MAP2K1: variants seen among roughly 807,000 people sequenced by gnomAD.
The protein encoded by MAP2K1 is dual specificity mitogen-activated protein kinase kinase 1.
In MAP2K1, 16 loss-of-function variants were observed where a neutral mutation model predicts 46.3. The observed-to-expected ratio is 0.35, with a 90% CI of 0.23 to 0.52. The LOEUF (loss-of-function observed/expected upper bound fraction) is 0.52. Ranked by LOEUF, MAP2K1 falls within the 20% of genes least tolerant of loss-of-function variation. MAP2K1 has a pLI of 0.94. For missense variants in MAP2K1, 263 were observed against 497.1 expected (o/e 0.53, Z 4.48); for synonymous variants, 183 against 185.6 (o/e 0.99, Z 0.11).
chr15:66,401,723 G>A (rs1238280409), intron 1 of MAP2K1: 3 of 152,140 alleles, frequency 2.0e-5, no homozygotes, highest in East Asian at 1.9e-4. Context: ...GGGAGTGTGC[G>A]CATCCAGGAG....
At chr15:66,446,837 G>A (rs1891881637) in intron 5 of MAP2K1, 1 of 228,006 alleles carries the variant, frequency 4.4e-6, no homozygotes, top group South Asian at 5.9e-5. Context: ...AAGATGGCGG[G>A]AAGTGCAAAT....
At chr15:66,432,439 A>T (rs1052955957) in intron 1 of MAP2K1, among the ~76,000 whole-genome samples, 1 of 152,252 alleles carries the variant, frequency 6.6e-6, no homozygotes, top group Non-Finnish European at 1.5e-5. Flanking sequence ...AGAAAAGTGA[A>T]CAGAGTCAGC....
chr15:66,430,027 T>C (rs1173233960), intron 1 of MAP2K1, among the ~76,000 whole-genome samples: 5 of 152,142 alleles, frequency 3.3e-5, no homozygotes, highest in Non-Finnish European at 7.3e-5. Context: ...CCTTCCCATA[T>C]ACTTTTCTTA....
intron 4 of MAP2K1, 45 bp downstream of exon 4, chr15:66,443,402 G>T (rs369343022): frequency 1.1e-4 from 124 of 1,142,414 alleles, no homozygotes; most frequent in Non-Finnish European, 1.5e-4. Flanking sequence ...TCATTGATAA[G>T]TTAATGAGTC....
intron 1 of MAP2K1, among the ~76,000 whole-genome samples, chr15:66,405,001 A>G (rs1167742145): frequency 6.6e-6 from 1 of 152,268 alleles, no homozygotes; most frequent in African/African-American, 2.4e-5. Flanking sequence ...TGGAACTTGT[A>G]TCCCTAGAGG....
intron 1 of MAP2K1, among the ~76,000 whole-genome samples, chr15:66,408,538 G>C (rs971445124): frequency 1.3e-5 from 2 of 152,084 alleles, no homozygotes; most frequent in African/African-American, 4.8e-5. Context: ...ATGTGTGCGT[G>C]TGTGTGGGGG....
chr15:66,405,876 G>A (rs941950014), intron 1 of MAP2K1, among the ~76,000 whole-genome samples: 7 of 152,206 alleles, frequency 4.6e-5, no homozygotes, highest in African/African-American at 1.7e-4. Context: ...TTCCTACCAA[G>A]CGCTTTGTAA....
intron 1 of MAP2K1, among the ~76,000 whole-genome samples, chr15:66,405,176 T>A (rs2093393371): frequency 1.3e-5 from 2 of 152,216 alleles, no homozygotes; most frequent in South Asian, 4.1e-4. Context: ...GTTGCACAAC[T>A]AGTAGGTGGT....
At chr15:66,455,893 CA>C (rs1567016333) in intron 5 of MAP2K1, among the ~76,000 whole-genome samples, 2 of 152,090 alleles carry the variant, frequency 1.3e-5, no homozygotes, top group African/African-American at 4.8e-5. Flanking sequence ...CCTGGGTGTT[CA>C]AAGGGAGAAA....
intron 1 of MAP2K1, among the ~76,000 whole-genome samples, chr15:66,418,788 G>A (rs549187075): frequency 6.7e-6 from 1 of 149,978 alleles, no homozygotes; most frequent in Non-Finnish European, 1.5e-5. Context: ...TCAGCCTCCC[G>A]AGCACCCGCC....
chr15:66,446,112 C>T (rs1891860642), intron 5 of MAP2K1, among the ~76,000 whole-genome samples: 1 of 152,004 alleles, frequency 6.6e-6, no homozygotes, highest in Non-Finnish European at 1.5e-5. Context: ...GTAATCCCAG[C>T]TAATCAGGAA....
chr15:66,465,939 T>C lies in MAP2K1; in HGVS notation c.569-15816T>C, dbSNP rs181556587. ...AAGACTTTTTTTAAAGATAAGACTT[T>C]TTTAAAGCTGAGCCCAGCCATGGAT... On this transcript the variant is annotated intron_variant, in intron 5 of 10. Coordinates refer to ENST00000307102, the MANE Select transcript of MAP2K1 (RefSeq NM_002755.4). Among the ~76,000 whole-genome samples the C allele has an allele frequency of 7.9e-5, 12 of 152,324 alleles. No homozygotes were observed. In the East Asian group the frequency reaches 1.4e-3, roughly 17 times the overall value.
chr15:66,485,291 A>G, intron 7 of MAP2K1, 100 bp downstream of exon 7: 3 of 1,161,394 alleles, frequency 2.6e-6, no homozygotes, highest in Non-Finnish European at 3.6e-6. Flanking sequence ...TTCTGCCAAG[A>G]CTGATTCTCT....
intron 1 of MAP2K1, among the ~76,000 whole-genome samples, chr15:66,429,680 T>TC (rs1567007438): frequency 3.1e-5 from 1 of 31,920 alleles, no homozygotes; most frequent in Non-Finnish European, 6.4e-5. Context: ...CCCCCCCCCG[T>TC]CCCCCCCAAC....
chr15:66,480,234 G>A (rs552092963), intron 5 of MAP2K1, among the ~76,000 whole-genome samples: 20 of 152,024 alleles, frequency 1.3e-4, no homozygotes, highest in African/African-American at 3.9e-4. Flanking sequence ...GATTACAGGC[G>A]CCCACCACCA....
intron 1 of MAP2K1, among the ~76,000 whole-genome samples, chr15:66,420,980 CACACACATACAT>C: frequency 9.3e-6 from 1 of 107,308 alleles, no homozygotes; most frequent in Non-Finnish European, 2.1e-5. Flanking sequence ...CACATACATA[CACACACATACAT>C]ACATATATAC....
intron 1 of MAP2K1, among the ~76,000 whole-genome samples, chr15:66,429,536 G>T (rs1030077986): frequency 2.6e-5 from 4 of 152,076 alleles, no homozygotes; most frequent in Non-Finnish European, 5.9e-5. Flanking sequence ...CCTAGAATTT[G>T]ATTTCCTATA....
chr15:66,438,613 G>A (rs2093495147), intron 3 of MAP2K1, among the ~76,000 whole-genome samples: 1 of 152,116 alleles, frequency 6.6e-6, no homozygotes, highest in South Asian at 2.1e-4. Context: ...ACTGGAGTTG[G>A]TTTCCCATTC....
chr15:66,435,254 T>A lies in MAP2K1; in HGVS notation c.291+17T>A, dbSNP rs1294983448. 1 of 1,605,146 alleles carries A rather than the reference T, an allele frequency of 6.2e-7. No individual in the cohort carries two copies. Among genetic ancestry groups the A allele is most frequent in the Non-Finnish European group, 8.5e-7 (1 of 1,171,888 alleles). On this transcript the variant is annotated intron_variant, in intron 2 of 10. Coordinates refer to ENST00000307102, the MANE Select transcript of MAP2K1 (RefSeq NM_002755.4). ...GCCAGAAAGGTGAGTTTGCCTTGAT[T>A]AACAGGTAATTGGATTATTTCTCAG...
Sources: gnomAD v4.1 joint callset for allele counts (sites outside exome capture counted in the v4.1 genomes callset) on GRCh38, gnomAD v4.1.1 for gene constraint, MANE v1.5 for transcripts, NCBI Gene and HGNC (gene_info 2026-07-23, HGNC 2026-07-21) for gene names.